CHL1: variants seen among roughly 807,000 people sequenced by gnomAD.
CHL1 encodes the protein neural cell adhesion molecule L1-like protein.
A neutral mutation model predicts 141.9 loss-of-function variants in CHL1; 96 were observed. That is an observed-to-expected ratio of 0.68 (90% CI 0.57 to 0.80). The LOEUF (loss-of-function observed/expected upper bound fraction) is 0.80, where lower values mean the gene tolerates loss of function less well. Among genes scored for constraint, CHL1 ranks in the 30% least tolerant of loss-of-function variants. The probability of loss-of-function intolerance (pLI) is 0.00; values close to 1 mark genes in which losing one functional copy is unlikely to be tolerated. For missense variants in CHL1, 1,820 were observed against 1,457.2 expected, an observed-to-expected ratio of 1.25 and a Z score of -4.05; for synonymous variants, 613 against 502.2, an observed-to-expected ratio of 1.22 and a Z score of -2.95.
Position 389,301 on chromosome 3 carries a change from C to A in CHL1, c.2297C>A (p.Thr766Asn), listed in dbSNP as rs141760963. 635 of 1,613,836 alleles carry A rather than the reference C, an allele frequency of 3.9e-4. No homozygotes were observed. Among genetic ancestry groups the A allele is most frequent in the Non-Finnish European group, 5.1e-4 (607 of 1,179,960 alleles). The change falls in exon 20 of 28, where the codon ACC becomes AAC. Residue 766 changes from threonine to asparagine, a missense_variant. By Grantham distance (65) the Thr-to-Asn change is moderately conservative (BLOSUM62 0). Transcript: ENST00000256509. ...GGACCAGGCCTAGAGTACAGAGTGA[C>A]CTGGAAGCCACAGGGAGCCCCAGTG... ...QNGPGLEYRVTWKPQGAPVEW... is the reference protein window; with the variant it reads ...QNGPGLEYRVNWKPQGAPVEW...
At chr3:295,756 A>C (rs765995282) in intron 2 of CHL1, among the ~76,000 whole-genome samples, 5 of 152,190 alleles carry the variant, frequency 3.3e-5, no homozygotes, top group Non-Finnish European at 5.9e-5. Context: ...AAGTCAAGCA[A>C]TGGCTGTGGC....
chr3:311,103 G>A (rs1480957874), intron 2 of CHL1, among the ~76,000 whole-genome samples: 1 of 152,060 alleles, frequency 6.6e-6, no homozygotes, highest in Non-Finnish European at 1.5e-5. Context: ...ACACAGTATA[G>A]TTTATTTATC....
Position 405,816 on chromosome 3 carries a change from G to T in CHL1, c.*105G>T. 1 of 763,890 alleles carries T rather than the reference G, an allele frequency of 1.3e-6. No individual in the cohort carries two copies. The highest frequency in any genetic ancestry group is 1.8e-5 in the African/African-American group (1 of 56,716). The allele number at this position is 763,890 out of a possible 1,614,324, so 47.3% of individuals were successfully genotyped here. A position where few individuals can be genotyped will look rare whatever the true frequency, so the allele number is the denominator to read the frequency against. On this transcript the variant is annotated 3_prime_UTR_variant, in exon 28 of 28. Transcript: ENST00000256509. ...TAGGAATAGAAACATGCTGGCCGAA[G>T]ATTTCATCCAGAAGTCAACATCCTG...
chr3:291,224 TA>T (rs1232015345), intron 2 of CHL1, among the ~76,000 whole-genome samples: 7 of 151,992 alleles, frequency 4.6e-5, no homozygotes, highest in Non-Finnish European at 7.4e-5. Flanking sequence ...TTGCTATTAA[TA>T]AGGGGGAAAA....
Position 391,035 on chromosome 3 carries a change from A to G in CHL1, c.2667A>G (p.Gln889=). 6.2e-7 allele frequency: 1 copy of G among 1,613,992 alleles called. No individual in the cohort carries two copies. Residue 889 remains glutamine, a synonymous_variant, in exon 22 of 28, where the codon CAA becomes CAG. Transcript: ENST00000256509. ...KEVNILRFSG[Q]RNSGMVPSLD... is the part of the protein sequence containing the mutation. ...TGAACATTCTAAGATTTTCAGGACA[A>G]AGAAACTCTGGAATGGTTCCTTCCT...
chr3:240,091 T>C (rs552727331), intron 1 of CHL1, among the ~76,000 whole-genome samples: 1 of 152,316 alleles, frequency 6.6e-6, no homozygotes, highest in South Asian at 2.1e-4. Flanking sequence ...ATGACTTCTT[T>C]TCCTCTGGGT....
chr3:379,756 GAATAAA>G (rs1336398322), intron 16 of CHL1, among the ~76,000 whole-genome samples: 1 of 151,902 alleles, frequency 6.6e-6, no homozygotes, highest in Non-Finnish European at 1.5e-5. Flanking sequence ...AGTGTTTACA[GAATAAA>G]AATAAAAATA....
At chr3:296,724 T>C (rs1698218965) in intron 2 of CHL1, among the ~76,000 whole-genome samples, 1 of 152,110 alleles carries the variant, frequency 6.6e-6, no homozygotes, top group South Asian at 2.1e-4. Flanking sequence ...TGGAAAGAAG[T>C]GGAAGGCAGA....
chr3:358,947 C>A (rs1388153052), intron 11 of CHL1, among the ~76,000 whole-genome samples: 1 of 147,176 alleles, frequency 6.8e-6, no homozygotes, highest in East Asian at 1.9e-4. Context: ...TTCCTTCCCA[C>A]TGGATTTATA....
intron 2 of CHL1, among the ~76,000 whole-genome samples, chr3:294,350 C>G (rs1041608104): frequency 6.6e-6 from 1 of 152,128 alleles, no homozygotes; most frequent in Non-Finnish European, 1.5e-5. Context: ...TACCTACATA[C>G]GTACTAGAAT....
intron 5 of CHL1, among the ~76,000 whole-genome samples, chr3:329,400 G>C (rs1701267668): frequency 6.6e-6 from 1 of 151,964 alleles, no homozygotes; most frequent in Non-Finnish European, 1.5e-5. Flanking sequence ...CAAAAGTTCA[G>C]AGAGGGCATT....
At chr3:276,136 T>G (rs1696075811) in intron 2 of CHL1, among the ~76,000 whole-genome samples, 1 of 152,054 alleles carries the variant, frequency 6.6e-6, no homozygotes, top group South Asian at 2.1e-4. Context: ...ATTGTCATGA[T>G]TACTTTTATA....
intron 11 of CHL1, among the ~76,000 whole-genome samples, chr3:358,912 C>A (rs553310834): frequency 1.5e-4 from 23 of 149,080 alleles, no homozygotes; most frequent in African/African-American, 4.7e-4. Flanking sequence ...TGTGCCCTTC[C>A]CTTGACATTT....
chr3:328,270 T>A lies in CHL1; in HGVS notation c.301T>A (p.Ser101Thr), dbSNP rs926392263. 1 of 1,612,720 alleles carries A rather than the reference T, an allele frequency of 6.2e-7. No individual in the cohort carries two copies. The highest frequency in any genetic ancestry group is 1.7e-5 in the Admixed American group (1 of 59,888). The change falls in exon 5 of 28, where the codon TCT becomes ACT. Residue 101 changes from serine to threonine, a missense_variant. Ser to Thr is a moderately conservative substitution (Grantham distance 58). Coordinates refer to ENST00000256509, the MANE Select transcript of CHL1 (RefSeq NM_006614.4). ...TFRIPNEGHISHFQGKYRCFA... is the reference protein window; with the variant it reads ...TFRIPNEGHITHFQGKYRCFA... ...CAGGATCCCAAACGAGGGGCACATA[T>A]CTCACTTTCAAGGGAAATACCGCTG...
chr3:363,104 G>C, intron 13 of CHL1, 113 bp from the exon 14 acceptor site: 1 of 812,534 alleles, frequency 1.2e-6, no homozygotes, highest in Non-Finnish European at 1.9e-6. Context: ...CATTTCATGA[G>C]GTTTTCTGAG....
chr3:258,790 G>C (rs1029646767), intron 2 of CHL1, among the ~76,000 whole-genome samples: 1 of 151,844 alleles, frequency 6.6e-6, no homozygotes, highest in African/African-American at 2.4e-5. Context: ...TCTTGTTCTA[G>C]ATATCATACT....
intron 15 of CHL1, among the ~76,000 whole-genome samples, chr3:368,383 A>T (rs974712802): frequency 2.0e-5 from 3 of 152,012 alleles, no homozygotes; most frequent in Non-Finnish European, 2.9e-5. Flanking sequence ...TTTGTTGGCC[A>T]TGTAAATGTC....
intron 2 of CHL1, among the ~76,000 whole-genome samples, chr3:311,138 G>C (rs1430291023): frequency 6.6e-6 from 1 of 151,942 alleles, no homozygotes; most frequent in Non-Finnish European, 1.5e-5. Context: ...AGAATATCTT[G>C]GTGACTTTCA....
intron 2 of CHL1, among the ~76,000 whole-genome samples, chr3:272,079 A>G (rs934735919): frequency 2.0e-5 from 3 of 152,254 alleles, no homozygotes; most frequent in Non-Finnish European, 2.9e-5. Context: ...TATAAATAAC[A>G]TTCATATAGA....
Sources: gnomAD v4.1 joint callset for allele counts (sites outside exome capture counted in the v4.1 genomes callset) on GRCh38, gnomAD v4.1.1 for gene constraint, MANE v1.5 for transcripts, NCBI Gene and HGNC (gene_info 2026-07-23, HGNC 2026-07-21) for gene names.